The following NBPF26 variants were observed in gnomAD, a reference collection of about 807,000 sequenced individuals.
NBPF26 encodes NBPF family member NBPF26.
In NBPF26, 79 loss-of-function variants were observed where a neutral mutation model predicts 119.6. The ratio of observed to expected loss-of-function variants is 0.66; its 90% CI spans 0.55 to 0.80. The LOEUF (loss-of-function observed/expected upper bound fraction) is 0.80, where lower values mean the gene tolerates loss of function less well. Ranked by LOEUF, NBPF26 falls within the 30% of genes least tolerant of loss-of-function variation. The probability of loss-of-function intolerance (pLI) is 0.00; values close to 1 mark genes in which losing one functional copy is unlikely to be tolerated. For synonymous variants in NBPF26, 299 were observed against 457.7 expected (o/e 0.65, Z 4.43); for missense variants, 800 against 1,198.2 (o/e 0.67, Z 4.91).
rs1484202311 is a variant in NBPF26 at position 120,777,711 on chromosome 1, G to A, written c.156-7263G>A. Among the ~76,000 whole-genome samples the A allele has an allele frequency of 1.3e-4, 11 of 81,984 alleles. 4 individuals carry two copies. The highest frequency in any genetic ancestry group is 1.0e-3 in the African/African-American group (11 of 10,896). 53.8% of individuals were successfully genotyped at this position (81,984 alleles called of 152,430 possible). ...GAGAGTAGAGTGGGAATGGCAAGAA[G>A]TAGTATGACAGAGCTTCTTCTCTTT... On this transcript the variant is annotated intron_variant, in intron 2 of 29. Coordinates refer to ENST00000620612, the Ensembl canonical transcript of NBPF26.
In NBPF26 at chr1:120,808,109, G is replaced by T. The variant is rs1466035445; in HGVS notation, c.1064+400G>T. ...TTCACTCAATCAATGTTGCCTTCTC[G>T]ACCCTGTCATTCTTTTCTTCTTTCA... is the stretch of plus-strand genomic sequence containing the variant. On this transcript the variant is annotated intron_variant, in intron 6 of 29. Transcript: ENST00000620612. 3.4e-5 allele frequency among the ~76,000 whole-genome samples: 4 copies of T among 118,614 alleles called. No individual in the cohort carries two copies. The East Asian group carries it at 8.1e-4, about 24-fold the overall frequency. 77.8% of individuals were successfully genotyped at this position (118,614 alleles called of 152,430 possible). A position where few individuals can be genotyped will look rare whatever the true frequency, so the allele number is the denominator to read the frequency against.
chr1:120,776,055 T>C lies in NBPF26; in HGVS notation c.156-8919T>C, dbSNP rs1333468601. 4.0e-3 allele frequency among the ~76,000 whole-genome samples: 445 copies of C among 112,508 alleles called. 91 individuals are homozygous for C. The highest frequency in any genetic ancestry group is 6.0e-3 in the Non-Finnish European group (358 of 59,516). 73.8% of individuals were successfully genotyped at this position (112,508 alleles called of 152,430 possible). On this transcript the variant is annotated intron_variant, in intron 2 of 29. Coordinates refer to ENST00000620612, the Ensembl canonical transcript of NBPF26. ...CCAAACTTCAAGTGTATTTATAGGGTCTTTTTAAGGGGTAAAGATTCCACA... is the reference window on the plus strand; with the variant it reads ...CCAAACTTCAAGTGTATTTATAGGGCCTTTTTAAGGGGTAAAGATTCCACA...
At chr1:120,807,968 T>C (rs1235333998) in intron 6 of NBPF26, among the ~76,000 whole-genome samples, 9,687 of 121,016 alleles carry the variant, frequency 0.08, 3,067 homozygotes, top group African/African-American at 0.28. Flanking sequence ...ACACAAAATT[T>C]ACCAAAGGAG....
At chr1:120,785,216 G>A in exon 3 of NBPF26, 1 of 1,445,614 alleles carries the variant, frequency 6.9e-7, no homozygotes, top group South Asian at 1.2e-5. Context: ...GAGTGCACCT[G>A]TCAAGTCGGG....
intron 1 of NBPF26, among the ~76,000 whole-genome samples, chr1:120,752,552 ATAT>A (rs1457603659): frequency 2.2e-4 from 2 of 8,976 alleles, no homozygotes; most frequent in Non-Finnish European, 3.4e-4. Flanking sequence ...ATATATATAT[ATAT>A]TTTTTTTTTT....
intron 15 of NBPF26, among the ~76,000 whole-genome samples, chr1:120,820,476 AT>A (rs1652109918): frequency 2.6e-5 from 1 of 39,136 alleles, no homozygotes; most frequent in South Asian, 6.9e-4. Flanking sequence ...ATATATATAT[AT>A]ATATATATAT....
At position 120,814,690 on chromosome 1, in the gene NBPF26, C is replaced by A. The variant is rs1380831604; in HGVS notation, c.1878-139C>A. 16 of 636,016 alleles carry A rather than the reference C, an allele frequency of 2.5e-5. 2 individuals carry two copies. The highest frequency in any genetic ancestry group is 5.5e-6 in the Non-Finnish European group (2 of 361,914). 39.4% of individuals were successfully genotyped at this position (636,016 alleles called of 1,614,324 possible). A position where few individuals can be genotyped will look rare whatever the true frequency, so the allele number is the denominator to read the frequency against. On this transcript the variant is annotated intron_variant, in intron 11 of 29. Coordinates refer to ENST00000620612, the Ensembl canonical transcript of NBPF26. ...CATTTTCTATTCTTTCTCTTGGCCA[C>A]AGACATTCCTTTAAACATGTGCTGA...
In NBPF26 at chr1:120,758,201, A is replaced by G. The variant is rs1340799173; in HGVS notation, c.74-5427A>G. ...TGGTGGGGAGTAATACTGGGCAGGT[A>G]AGGTAAGCTCTGATCTGGAAGGCCA... On this transcript the variant is annotated intron_variant, in intron 1 of 29. Coordinates refer to ENST00000620612, the Ensembl canonical transcript of NBPF26. 2.4e-5 allele frequency among the ~76,000 whole-genome samples: 3 copies of G among 122,696 alleles called. No individual in the cohort carries two copies. The East Asian group carries it at 6.2e-4, about 25-fold the overall frequency. The allele number at this position is 122,696 out of a possible 152,430, so 80.5% of individuals were successfully genotyped here.
chr1:120,727,990 A>C (rs1650834198), intron 1 of NBPF26, among the ~76,000 whole-genome samples: 1 of 119,218 alleles, frequency 8.4e-6, no homozygotes, highest in Non-Finnish European at 1.6e-5. Context: ...TCGGTCCTCC[A>C]TTTTCTGATG....
In NBPF26 at chr1:120,724,438, G is replaced by T. The variant is rs1455893518; in HGVS notation, c.73+188G>T. ...CCCCTCCCGTGGTGCCCCGCCAACC[G>T]CTGGGGTTCCCCGCCGCCTCTGCTC... is the stretch of plus-strand genomic sequence containing the variant. On this transcript the variant is annotated intron_variant, in intron 1 of 29. Coordinates refer to ENST00000620612, the Ensembl canonical transcript of NBPF26. Among the ~76,000 whole-genome samples the T allele has an allele frequency of 2.5e-5, 3 of 120,492 alleles. 1 individual carries two copies. Among genetic ancestry groups the T allele is most frequent in the African/African-American group, 4.6e-5 (1 of 21,582 alleles). 79.0% of individuals were successfully genotyped at this position (120,492 alleles called of 152,430 possible).
chr1:120,793,377 A>G lies in NBPF26; in HGVS notation c.632A>G (p.Gln211Arg). Residue 211 changes from glutamine (Q) to arginine (R), a missense_variant, in exon 4 of 30, where the codon CAG (glutamine) becomes CGG (arginine). Transcript: ENST00000620612. ...GGTTCCTACCAGTGCCAGTGCCTTC[A>G]GGGCTTCACAGGCCAGTACTGTGAC... 5 of 1,433,528 alleles carry G rather than the reference A, an allele frequency of 3.5e-6. 2 individuals are homozygous for G. The highest frequency in any genetic ancestry group is 4.7e-6 in the Non-Finnish European group (5 of 1,071,984). 88.8% of individuals were successfully genotyped at this position (1,433,528 alleles called of 1,614,324 possible).
chr1:120,808,441 T>A, intron 6 of NBPF26, 104 bp from the exon 7 acceptor site: 1 of 1,078,372 alleles, frequency 9.3e-7, no homozygotes, highest in South Asian at 1.3e-5. Flanking sequence ...ACCTTCTGTT[T>A]CAAGGTCTCC....
chr1:120,817,926 T>C (rs1291887508), intron 14 of NBPF26, among the ~76,000 whole-genome samples, 197 bp from the exon 15 acceptor site: 1 of 115,616 alleles, frequency 8.6e-6, no homozygotes, highest in Non-Finnish European at 1.6e-5. Flanking sequence ...AGAGGGAGAT[T>C]TTGGCCTGTG....
chr1:120,779,733 A>G (rs1200516240), intron 2 of NBPF26, among the ~76,000 whole-genome samples: 3 of 122,136 alleles, frequency 2.5e-5, no homozygotes, highest in African/African-American at 3.9e-5. Flanking sequence ...CTCTCTAACC[A>G]AATTCAACTT....
chr1:120,745,318 A>G (rs1388273469), intron 1 of NBPF26, among the ~76,000 whole-genome samples: 910 of 80,192 alleles, frequency 0.011, 127 homozygotes, highest in Non-Finnish European at 0.015. Flanking sequence ...AGTATCACAT[A>G]GTATGGACAA....
At chr1:120,825,091 C>A (rs1261335077) in intron 18 of NBPF26, among the ~76,000 whole-genome samples, 174 bp downstream of exon 19, 2 of 121,748 alleles carry the variant, frequency 1.6e-5, no homozygotes, top group African/African-American at 9.3e-5. Flanking sequence ...TTCTTCCTCC[C>A]CTTATCATTT....
Position 120,728,053 on chromosome 1 carries a change from T to C in NBPF26, c.73+3803T>C, listed in dbSNP as rs1208862249. ...TAGAGTTGAGACTAGAATTCCTTTC[T>C]TCTGGTGTCCAGTGCCTCATTCACT... On this transcript the variant is annotated intron_variant, in intron 1 of 29. Coordinates refer to ENST00000620612, the Ensembl canonical transcript of NBPF26. Among the ~76,000 whole-genome samples the C allele has an allele frequency of 1.7e-5, 2 of 118,818 alleles. 1 individual carries two copies. The highest frequency in any genetic ancestry group is 3.3e-5 in the Non-Finnish European group (2 of 61,420). 77.9% of individuals were successfully genotyped at this position (118,818 alleles called of 152,430 possible).
At chr1:120,802,489 G>A (rs1428994900) in intron 4 of NBPF26, among the ~76,000 whole-genome samples, 1 of 125,720 alleles carries the variant, frequency 8.0e-6, no homozygotes, top group East Asian at 2.0e-4. Flanking sequence ...GAGTACAACA[G>A]AGACATGAGC....
At chr1:120,727,716 C>T (rs1272715942) in intron 1 of NBPF26, among the ~76,000 whole-genome samples, 1 of 113,426 alleles carries the variant, frequency 8.8e-6, no homozygotes, top group East Asian at 2.1e-4. Context: ...TCCATAGTTA[C>T]ATGCTTCCTT....
Sources: allele counts gnomAD v4.1 joint callset (sites outside exome capture counted in the v4.1 genomes callset), GRCh38; gene constraint gnomAD v4.1.1; transcripts MANE v1.5; gene names NCBI Gene and HGNC (gene_info 2026-07-23, HGNC 2026-07-21).